Variants in ANTXR1 observed in about 807,000 individuals in gnomAD.
ANTXR1 encodes the protein anthrax toxin receptor 1.
A neutral mutation model predicts 78.1 loss-of-function variants in ANTXR1; 19 were observed. The observed-to-expected ratio is 0.24, with a 90% CI of 0.17 to 0.36. The LOEUF (loss-of-function observed/expected upper bound fraction) is 0.36. Among genes scored for constraint, ANTXR1 ranks in the 10% least tolerant of loss-of-function variants. ANTXR1 has a pLI of 1.00. For synonymous variants in ANTXR1, 273 were observed against 260.5 expected (o/e 1.05, Z -0.46); for missense variants, 518 against 718.6 (o/e 0.72, Z 3.19).
At chr2:69,135,943 A>G (rs1672898175) in intron 12 of ANTXR1, among the ~76,000 whole-genome samples, 2 of 152,194 alleles carry the variant, frequency 1.3e-5, no homozygotes, top group Admixed American at 6.5e-5. Flanking sequence ...GTTGCGTACA[A>G]TGAAGACTTA....
chr2:69,143,661 C>T (rs1453183692), intron 12 of ANTXR1, among the ~76,000 whole-genome samples: 1 of 151,960 alleles, frequency 6.6e-6, no homozygotes, highest in Non-Finnish European at 1.5e-5. Context: ...AGAATGGATC[C>T]ATCAGTCGCA....
intron 1 of ANTXR1, among the ~76,000 whole-genome samples, chr2:69,030,780 A>G (rs1049587246): frequency 6.6e-6 from 1 of 152,202 alleles, no homozygotes; most frequent in Admixed American, 6.5e-5. Context: ...TCCAGTCTGC[A>G]TTATCGGCAA....
intron 8 of ANTXR1, among the ~76,000 whole-genome samples, chr2:69,086,857 A>G (rs1349068815): frequency 1.3e-5 from 2 of 152,218 alleles, no homozygotes; most frequent in African/African-American, 4.8e-5. Context: ...CCCAAGGGTT[A>G]TTAACTTTCT....
At chr2:69,118,331 A>G (rs1015079667) in intron 10 of ANTXR1, among the ~76,000 whole-genome samples, 6 of 151,762 alleles carry the variant, frequency 4.0e-5, no homozygotes, top group Non-Finnish European at 8.8e-5. Flanking sequence ...TGAGGGGGAC[A>G]AGGTAGGGGG....
At chr2:69,242,051 G>T (rs1675908004) in intron 17 of ANTXR1, among the ~76,000 whole-genome samples, 1 of 152,168 alleles carries the variant, frequency 6.6e-6, no homozygotes, top group Non-Finnish European at 1.5e-5. Flanking sequence ...AAAGGACCAG[G>T]TGGTGGGGAG....
chr2:69,215,142 G>A (rs1553376351), intron 17 of ANTXR1, among the ~76,000 whole-genome samples: 1 of 152,112 alleles, frequency 6.6e-6, no homozygotes, highest in Non-Finnish European at 1.5e-5. Context: ...CTCTGTATTC[G>A]CCATCTTCAG....
intron 17 of ANTXR1, among the ~76,000 whole-genome samples, chr2:69,221,337 C>T (rs1675314222): frequency 1.3e-5 from 2 of 152,138 alleles, no homozygotes; most frequent in African/African-American, 4.8e-5. Flanking sequence ...AGTTGGGGGG[C>T]TTATTAGCTC....
intron 3 of ANTXR1, among the ~76,000 whole-genome samples, chr2:69,050,212 C>T (rs770280058): frequency 6.6e-6 from 1 of 151,830 alleles, no homozygotes; most frequent in South Asian, 2.1e-4. Context: ...GTGACAGGAT[C>T]GATTGAGGCA....
At chr2:69,094,298 A>C (rs1671330735) in intron 9 of ANTXR1, among the ~76,000 whole-genome samples, 1 of 152,228 alleles carries the variant, frequency 6.6e-6, no homozygotes, top group African/African-American at 2.4e-5. Flanking sequence ...CCAGTGTTAG[A>C]ATCATGATGT....
At chr2:69,194,845 T>C (rs57780614) in intron 17 of ANTXR1, among the ~76,000 whole-genome samples, 14,818 of 150,538 alleles carry the variant, frequency 0.098, 1,919 homozygotes, top group African/African-American at 0.29. Flanking sequence ...AATGAGACTC[T>C]GTCTCAAAAA....
At chr2:69,120,742 T>TA (rs1254340172) in intron 10 of ANTXR1, among the ~76,000 whole-genome samples, 2 of 152,238 alleles carry the variant, frequency 1.3e-5, no homozygotes, top group East Asian at 3.8e-4. Context: ...ATAAGCTTTA[T>TA]AATTTTACTC....
chr2:69,191,553 AG>A (rs540279635), intron 16 of ANTXR1, among the ~76,000 whole-genome samples: 11 of 152,236 alleles, frequency 7.2e-5, no homozygotes, highest in Non-Finnish European at 1.2e-4. Context: ...GTGCACACAC[AG>A]TCATACACAC....
At chr2:69,023,754 G>A (rs1307521349) in intron 1 of ANTXR1, among the ~76,000 whole-genome samples, 1 of 152,190 alleles carries the variant, frequency 6.6e-6, no homozygotes, top group Non-Finnish European at 1.5e-5. Context: ...AAGACATGGG[G>A]AAACAGTGAA....
chr2:69,080,787 C>T (rs559735231), intron 8 of ANTXR1, among the ~76,000 whole-genome samples: 152 of 152,264 alleles, frequency 1.0e-3, no homozygotes, highest in Middle Eastern at 6.8e-3. Context: ...AACTGAAGGA[C>T]GTAATGGAGC....
chr2:69,178,667 T>C (rs1169513599), intron 14 of ANTXR1, among the ~76,000 whole-genome samples: 1 of 152,190 alleles, frequency 6.6e-6, no homozygotes, highest in Non-Finnish European at 1.5e-5. Context: ...CATCTTACTA[T>C]ATCCTGAGCA....
intron 1 of ANTXR1, among the ~76,000 whole-genome samples, chr2:69,016,516 G>A (rs958559018): frequency 2.0e-5 from 3 of 152,304 alleles, no homozygotes; most frequent in African/African-American, 7.2e-5. Context: ...TATGATATGT[G>A]TATAGTATTG....
chr2:69,075,830 A>G (rs2104227710), intron 7 of ANTXR1, among the ~76,000 whole-genome samples, 172 bp downstream of exon 7: 1 of 152,360 alleles, frequency 6.6e-6, no homozygotes, highest in African/African-American at 2.4e-5. Context: ...ATATGAAGTC[A>G]TTTGCTGATG....
intron 3 of ANTXR1, among the ~76,000 whole-genome samples, chr2:69,064,169 GATTT>G (rs1241949800): frequency 3.3e-5 from 5 of 152,112 alleles, no homozygotes; most frequent in Non-Finnish European, 7.4e-5. Context: ...GCATATCATT[GATTT>G]ATTACTGCAT....
At chr2:69,117,311 ACACT>A (rs1331171919) in intron 10 of ANTXR1, among the ~76,000 whole-genome samples, 1 of 152,198 alleles carries the variant, frequency 6.6e-6, no homozygotes, top group Non-Finnish European at 1.5e-5. Flanking sequence ...TCCGGCTCTG[ACACT>A]CACAAGTGGT....
Sources: allele counts gnomAD v4.1 joint callset (sites outside exome capture counted in the v4.1 genomes callset), GRCh38; gene constraint gnomAD v4.1.1; transcripts MANE v1.5; gene names NCBI Gene and HGNC (gene_info 2026-07-23, HGNC 2026-07-21).